SAXO1: variants seen among roughly 807,000 people sequenced by gnomAD.
SAXO1 encodes the protein stabilizer of axonemal microtubules 1.
SAXO1 carries 21 observed loss-of-function variants against 17.5 expected under a neutral mutation model. The ratio of observed to expected loss-of-function variants is 1.20; its 90% CI spans 0.85 to 1.72. The LOEUF (loss-of-function observed/expected upper bound fraction) is 1.72, where lower values mean the gene tolerates loss of function less well. Ranked by LOEUF, SAXO1 falls within the 40% of genes most tolerant of loss-of-function variation. The pLI is 0.00. For synonymous variants in SAXO1, 274 were observed against 216.5 expected (o/e 1.27, Z -2.33); for missense variants, 843 against 596.0 (o/e 1.41, Z -4.32).
intron 1 of SAXO1, among the ~76,000 whole-genome samples, chr9:18,991,257 A>T (rs1306096052): frequency 6.6e-6 from 1 of 152,180 alleles, no homozygotes; most frequent in East Asian, 1.9e-4. Context: ...CGAGACTCAC[A>T]CATGCACACT....
chr9:18,958,015 C>A (rs986453785), intron 1 of SAXO1, among the ~76,000 whole-genome samples: 3 of 152,202 alleles, frequency 2.0e-5, no homozygotes, highest in African/African-American at 7.2e-5. Context: ...ATATCTCATA[C>A]TCCCTACCTA....
chr9:18,976,299 A>G (rs1833149857), intron 1 of SAXO1, among the ~76,000 whole-genome samples: 1 of 152,106 alleles, frequency 6.6e-6, no homozygotes, highest in South Asian at 2.1e-4. Context: ...TGTCTTTTCT[A>G]ACATAATAAT....
intron 1 of SAXO1, among the ~76,000 whole-genome samples, chr9:18,953,648 C>T (rs977115086): frequency 6.6e-6 from 1 of 152,186 alleles, no homozygotes; most frequent in Non-Finnish European, 1.5e-5. Flanking sequence ...GAATACCCCT[C>T]CCAAGATACC....
intron 1 of SAXO1, among the ~76,000 whole-genome samples, chr9:19,043,128 C>T (rs1025066742): frequency 1.3e-5 from 2 of 151,900 alleles, no homozygotes; most frequent in Admixed American, 6.6e-5. Context: ...ACCAAGACTG[C>T]ACCACTACAC....
chr9:19,030,639 G>A (rs1209721474), intron 1 of SAXO1, among the ~76,000 whole-genome samples: 1 of 152,078 alleles, frequency 6.6e-6, no homozygotes, highest in Non-Finnish European at 1.5e-5. Context: ...CCAGCAGGCG[G>A]AGGTTGCAGT....
In SAXO1 at chr9:18,927,882, T is replaced by C. The variant is rs568965544; in HGVS notation, c.*170A>G. 1.5e-6 allele frequency: 1 copy of C among 677,404 alleles called. No individual in the cohort carries two copies. The highest frequency in any genetic ancestry group is 2.3e-6 in the Non-Finnish European group (1 of 430,730). The allele number at this position is 677,404 out of a possible 1,614,324, so 42.0% of individuals were successfully genotyped here. On this transcript the variant is annotated 3_prime_UTR_variant, in exon 4 of 4. Coordinates refer to ENST00000380534, the MANE Select transcript of SAXO1 (RefSeq NM_153707.4). ...TTAATTAGCCGGTGATTAAATGTCA[T>C]TTTCCCTGAGTCAAGTGATTCTCAT...
intron 1 of SAXO1, among the ~76,000 whole-genome samples, chr9:19,010,106 G>A (rs1296257182): frequency 1.3e-5 from 2 of 151,832 alleles, no homozygotes; most frequent in African/African-American, 4.8e-5. Context: ...TGGGATTTCA[G>A]GCGTGAGCCA....
chr9:18,934,437 A>G (rs1355430138), intron 3 of SAXO1, among the ~76,000 whole-genome samples: 2 of 152,108 alleles, frequency 1.3e-5, no homozygotes, highest in Non-Finnish European at 2.9e-5. Flanking sequence ...GCCAGCTCAA[A>G]TCTGCTGTTG....
chr9:19,029,418 GTC>G (rs1835658223), intron 1 of SAXO1, among the ~76,000 whole-genome samples: 1 of 152,170 alleles, frequency 6.6e-6, no homozygotes, highest in South Asian at 2.1e-4. Flanking sequence ...CAAGGGCGCT[GTC>G]TCTGACTTCT....
chr9:19,043,060 T>G (rs1836115317), intron 1 of SAXO1, among the ~76,000 whole-genome samples: 1 of 151,700 alleles, frequency 6.6e-6, no homozygotes, highest in Non-Finnish European at 1.5e-5. Context: ...TAGTCCCAGC[T>G]ACTCAGGAGG....
chr9:19,045,689 C>CT (rs1836197006), intron 1 of SAXO1, among the ~76,000 whole-genome samples: 1 of 152,156 alleles, frequency 6.6e-6, no homozygotes, highest in Non-Finnish European at 1.5e-5. Context: ...GGCGGCAAGA[C>CT]TTTCTTCAAA....
At chr9:19,034,271 T>TG (rs1488978039), upstream of SAXO1, among the ~76,000 whole-genome samples, 1 of 146,040 alleles carries the variant, frequency 6.8e-6, no homozygotes, top group Non-Finnish European at 1.5e-5. Flanking sequence ...TTTCTTTTTG[T>TG]GTGGGGGGGG....
chr9:19,031,381 T>G (rs149970152), intron 1 of SAXO1, among the ~76,000 whole-genome samples: 1,869 of 152,198 alleles, frequency 0.012, 35 homozygotes, highest in African/African-American at 0.043. Flanking sequence ...GACAACATGG[T>G]TGAAACCCTG....
In SAXO1 at chr9:18,927,872, T is replaced by C. The variant is rs1230185503; in HGVS notation, c.*180A>G. On this transcript the variant is annotated 3_prime_UTR_variant, in exon 4 of 4. Transcript: ENST00000380534. ...GTAAGGGGAGTTAATTAGCCGGTGA[T>C]TAAATGTCATTTTCCCTGAGTCAAG... is the stretch of plus-strand genomic sequence containing the variant. 1.6e-6 allele frequency: 1 copy of C among 626,412 alleles called. No homozygotes were observed. Among genetic ancestry groups the C allele is most frequent in the African/African-American group, 1.8e-5 (1 of 54,582 alleles). The allele number at this position is 626,412 out of a possible 1,614,324, so 38.8% of individuals were successfully genotyped here.
intron 1 of SAXO1, among the ~76,000 whole-genome samples, chr9:19,026,044 A>T (rs1446462740): frequency 6.6e-6 from 1 of 152,218 alleles, no homozygotes; most frequent in African/African-American, 2.4e-5. Flanking sequence ...GTGTTTGATA[A>T]TACAGTAGGG....
At chr9:19,023,276 G>A (rs57603245) in intron 1 of SAXO1, among the ~76,000 whole-genome samples, 2,587 of 151,982 alleles carry the variant, frequency 0.017, 74 homozygotes, top group African/African-American at 0.058. Context: ...CTCCCACTCA[G>A]ACTCAAGTGC....
intron 1 of SAXO1, among the ~76,000 whole-genome samples, chr9:19,004,719 G>C (rs993210344): frequency 1.3e-5 from 2 of 152,134 alleles, no homozygotes; most frequent in Non-Finnish European, 1.5e-5. Flanking sequence ...GCCTGTTGTG[G>C]AGTAGGGGGC....
intron 1 of SAXO1, among the ~76,000 whole-genome samples, chr9:19,016,995 C>G (rs527490939): frequency 1.2e-4 from 19 of 152,014 alleles, no homozygotes; most frequent in African/African-American, 4.6e-4. Flanking sequence ...CAATCAGAAG[C>G]TCCCCTCTGC....
At chr9:19,039,365 A>G (rs1311625968) in intron 1 of SAXO1, among the ~76,000 whole-genome samples, 1 of 152,174 alleles carries the variant, frequency 6.6e-6, no homozygotes, top group African/African-American at 2.4e-5. Flanking sequence ...TAGCTCTCAA[A>G]GTTTGAGGTT....
Sources: gnomAD v4.1 joint callset for allele counts (sites outside exome capture counted in the v4.1 genomes callset) on GRCh38, gnomAD v4.1.1 for gene constraint, MANE v1.5 for transcripts, NCBI Gene and HGNC (gene_info 2026-07-23, HGNC 2026-07-21) for gene names.